The following FKBP9 variants were observed in gnomAD, a reference collection of about 807,000 sequenced individuals.
FKBP9 encodes the protein FKBP prolyl isomerase 9.
Under a neutral mutation model 55.6 loss-of-function variants are expected in FKBP9, and 27 were observed. The observed-to-expected ratio is 0.49, with a 90% CI of 0.36 to 0.67. FKBP9 has a LOEUF of 0.67. FKBP9 is among the 30% of genes least tolerant of loss of function. FKBP9 has a pLI of 0.00. For synonymous variants in FKBP9, 267 were observed against 296.5 expected, an observed-to-expected ratio of 0.90 and a Z score of 1.02; for missense variants, 539 against 742.8, an observed-to-expected ratio of 0.73 and a Z score of 3.19.
intron 1 of FKBP9, among the ~76,000 whole-genome samples, chr7:32,960,488 T>C (rs1489593182): frequency 6.6e-6 from 1 of 152,228 alleles, no homozygotes; most frequent in Non-Finnish European, 1.5e-5. Flanking sequence ...ATTTCTCTAA[T>C]GGCTAACGAT....
intron 1 of FKBP9, among the ~76,000 whole-genome samples, chr7:32,971,433 A>G (rs980826854): frequency 1.1e-4 from 16 of 152,230 alleles, no homozygotes; most frequent in African/African-American, 3.9e-4. Context: ...GTGAGGCAAC[A>G]ACTCTTTCTT....
At chr7:33,001,578 A>G (rs898796709) in intron 8 of FKBP9, among the ~76,000 whole-genome samples, 2 of 151,866 alleles carry the variant, frequency 1.3e-5, no homozygotes, top group Non-Finnish European at 2.9e-5. Context: ...TTTTTCTGTG[A>G]TATATTATTA....
At chr7:32,974,475 C>T (rs1297212463) in intron 1 of FKBP9, 142 bp from the exon 2 acceptor site, 4 of 633,466 alleles carry the variant, frequency 6.3e-6, no homozygotes, top group Non-Finnish European at 1.1e-5. Flanking sequence ...TGGAGATGTT[C>T]CTGTATCAGT....
rs1310615023 is a variant in FKBP9 at position 33,003,457 on chromosome 7, C to T, written c.1536+618C>T. Among the ~76,000 whole-genome samples the T allele has an allele frequency of 3.9e-5, 6 of 152,196 alleles. No individual in the cohort carries two copies. The East Asian group carries it at 7.7e-4, about 20-fold the overall frequency. On this transcript the variant is annotated intron_variant, in intron 9 of 9. Transcript: ENST00000242209. ...CTTCCCTGGATGTGTCTGTTTCTTTCATTGCTTTCCTTCCTTTACAGCAAA... is the reference window on the plus strand; with the variant it reads ...CTTCCCTGGATGTGTCTGTTTCTTTTATTGCTTTCCTTCCTTTACAGCAAA...
intron 6 of FKBP9, among the ~76,000 whole-genome samples, chr7:32,990,713 C>T (rs1387154542): frequency 2.0e-5 from 3 of 152,246 alleles, no homozygotes; most frequent in Admixed American, 6.5e-5. Flanking sequence ...GCTGCTCCCT[C>T]GCTTAGCAAT....
intron 3 of FKBP9, 97 bp from the exon 4 acceptor site, chr7:32,976,257 C>T (rs1203464783): frequency 1.8e-5 from 26 of 1,417,696 alleles, no homozygotes; most frequent in African/African-American, 4.2e-5. Flanking sequence ...ATGGGATCAT[C>T]GTTTAGCTGA....
intron 7 of FKBP9, 126 bp from the exon 8 acceptor site, chr7:32,999,989 A>G (rs1404992301): frequency 3.0e-6 from 3 of 1,012,840 alleles, no homozygotes; most frequent in Non-Finnish European, 4.5e-6. Context: ...ATGTTTCCTC[A>G]TGATTAGATA....
At chr7:32,982,996 G>GTGTA (rs1388212616) in intron 5 of FKBP9, among the ~76,000 whole-genome samples, 1 of 148,084 alleles carries the variant, frequency 6.8e-6, no homozygotes, top group Non-Finnish European at 1.5e-5. Context: ...GTGTGTGTGT[G>GTGTA]TGTGTGTGTG....
chr7:32,967,817 C>T (rs1156979572), intron 1 of FKBP9, among the ~76,000 whole-genome samples: 1 of 151,946 alleles, frequency 6.6e-6, no homozygotes, highest in Non-Finnish European at 1.5e-5. Context: ...TACAGTAGTG[C>T]GATCTCAGCT....
intron 5 of FKBP9, among the ~76,000 whole-genome samples, chr7:32,986,677 C>T (rs1054195571): frequency 3.9e-5 from 6 of 152,212 alleles, no homozygotes; most frequent in South Asian, 2.1e-4. Context: ...ATTCTTTCTT[C>T]GTGCCCCATG....
Position 32,985,064 on chromosome 7 carries a change from T to A in FKBP9, c.894-3443T>A, listed in dbSNP as rs192367513. Among the ~76,000 whole-genome samples the A allele has an allele frequency of 4.2e-3, 639 of 152,272 alleles. 4 individuals are homozygous for A. Among genetic ancestry groups the A allele is most frequent in the African/African-American group, 0.012 (488 of 41,564 alleles). ...TACTAAGTGATGCATTGACATGATT[T>A]AAAACCCTGGAAGTATGAAAAGGTA... is the stretch of plus-strand genomic sequence containing the variant. On this transcript the variant is annotated intron_variant, in intron 5 of 9. Transcript: ENST00000242209.
intron 9 of FKBP9, among the ~76,000 whole-genome samples, chr7:33,003,333 T>C (rs16881929): frequency 0.18 from 27,800 of 152,164 alleles, 2,788 homozygotes; most frequent in East Asian, 0.29. Context: ...CTTCCACATC[T>C]GCTATTGAAG....
At chr7:32,994,264 C>T (rs1784741372) in intron 6 of FKBP9, among the ~76,000 whole-genome samples, 2 of 152,176 alleles carry the variant, frequency 1.3e-5, no homozygotes. Flanking sequence ...CCACTTCCCC[C>T]ACGCTGGCAA....
chr7:32,975,222 A>G lies in FKBP9; in HGVS notation c.408A>G (p.Val136=), dbSNP rs1166695069. The G allele has an allele frequency of 1.9e-6, 3 of 1,613,620 alleles. No homozygotes were observed. Among genetic ancestry groups the G allele is most frequent in the Non-Finnish European group, 2.5e-6 (3 of 1,179,722 alleles). ...CCAATTCAGTGCTTCATTTTGATGTACTTCTGATGGATATTTGGAATTCTG... is the reference window on the plus strand; with the variant it reads ...CCAATTCAGTGCTTCATTTTGATGTGCTTCTGATGGATATTTGGAATTCTG... The part of the protein sequence containing the change: ...IPPNSVLHFD[V]LLMDIWNSED... The change falls in exon 3 of 10, where the codon GTA becomes GTG. Residue 136 remains valine, a synonymous_variant. Transcript: ENST00000242209.
intron 1 of FKBP9, among the ~76,000 whole-genome samples, chr7:32,973,080 T>C (rs1042914154): frequency 2.6e-5 from 4 of 152,194 alleles, no homozygotes; most frequent in African/African-American, 7.2e-5. Context: ...AGTAAAAATC[T>C]GTTATAAAAT....
chr7:32,962,522 G>T, intron 1 of FKBP9, among the ~76,000 whole-genome samples: 1 of 151,928 alleles, frequency 6.6e-6, no homozygotes, highest in Non-Finnish European at 1.5e-5. Flanking sequence ...TGCCCAGGCT[G>T]GTGTGCAGTG....
intron 1 of FKBP9, chr7:32,963,502 C>A: frequency 1.4e-6 from 1 of 695,238 alleles, no homozygotes. Flanking sequence ...CTCATTGGGG[C>A]TTCATTTTAC....
At chr7:32,994,662 T>G (rs1784749575) in intron 6 of FKBP9, among the ~76,000 whole-genome samples, 1 of 151,680 alleles carries the variant, frequency 6.6e-6, no homozygotes, top group African/African-American at 2.4e-5. Context: ...CTTCTCAAAT[T>G]ATTACCTTTA....
intron 5 of FKBP9, among the ~76,000 whole-genome samples, chr7:32,982,292 A>G (rs1784493743): frequency 6.6e-6 from 1 of 152,164 alleles, no homozygotes; most frequent in Non-Finnish European, 1.5e-5. Flanking sequence ...AAGTGCTGGG[A>G]TTATAGTCAT....
Sources: allele counts gnomAD v4.1 joint callset (sites outside exome capture counted in the v4.1 genomes callset), GRCh38; gene constraint gnomAD v4.1.1; transcripts MANE v1.5; gene names NCBI Gene and HGNC (gene_info 2026-07-23, HGNC 2026-07-21).